The following MAGI2 variants were observed in gnomAD, a reference collection of about 807,000 sequenced individuals.
The protein encoded by MAGI2 is membrane associated guanylate kinase, WW and PDZ domain containing 2, also known as membrane-associated guanylate kinase, WW and PDZ domain-containing protein 2.
MAGI2 carries 35 observed loss-of-function variants against 133.3 expected under a neutral mutation model. The observed-to-expected ratio is 0.26, with a 90% confidence interval of 0.20 to 0.35. MAGI2 has a LOEUF of 0.35. Ranked by LOEUF, MAGI2 falls within the 10% of genes least tolerant of loss-of-function variation. The pLI, the probability that MAGI2 is intolerant of heterozygous loss-of-function variation, is 1.00. For synonymous variants in MAGI2, 729 were observed against 710.6 expected (o/e 1.03, Z -0.41); for missense variants, 1,636 against 1,863.4 (o/e 0.88, Z 2.25).
At chr7:78,838,484 A>G (rs1276454674) in intron 2 of MAGI2, among the ~76,000 whole-genome samples, 3 of 147,318 alleles carry the variant, frequency 2.0e-5, no homozygotes, top group African/African-American at 7.5e-5. Context: ...CTAAAAATTA[A>G]TTAAATAAAA....
At chr7:79,193,711 C>T (rs906301478) in intron 1 of MAGI2, among the ~76,000 whole-genome samples, 1 of 151,752 alleles carries the variant, frequency 6.6e-6, no homozygotes, top group Non-Finnish European at 1.5e-5. Flanking sequence ...AATTCATTAC[C>T]TTTAATAGTA....
intron 10 of MAGI2, among the ~76,000 whole-genome samples, chr7:78,242,529 A>G (rs1187273368): frequency 6.6e-6 from 1 of 152,200 alleles, no homozygotes; most frequent in Non-Finnish European, 1.5e-5. Flanking sequence ...GCTCTGTCAT[A>G]TATGCTTTTT....
intron 6 of MAGI2, among the ~76,000 whole-genome samples, chr7:78,380,370 AAAG>A (rs774565795): frequency 1.3e-5 from 2 of 152,146 alleles, no homozygotes; most frequent in African/African-American, 2.4e-5. Context: ...ATGAATGAGT[AAAG>A]AAGATGTGCT....
intron 1 of MAGI2, among the ~76,000 whole-genome samples, chr7:79,118,090 G>C (rs1819562896): frequency 6.6e-6 from 1 of 152,160 alleles, no homozygotes; most frequent in African/African-American, 2.4e-5. Flanking sequence ...AAATAAAGTA[G>C]GACATAGCCA....
At chr7:79,208,564 C>T in intron 1 of MAGI2, among the ~76,000 whole-genome samples, 1 of 151,844 alleles carries the variant, frequency 6.6e-6, no homozygotes, top group Non-Finnish European at 1.5e-5. Flanking sequence ...AAAGAGAATC[C>T]TTGTACACTG....
intron 12 of MAGI2, among the ~76,000 whole-genome samples, chr7:78,187,245 T>G (rs1165414941): frequency 6.6e-6 from 1 of 152,164 alleles, no homozygotes; most frequent in Non-Finnish European, 1.5e-5. Flanking sequence ...GGCTTCAATA[T>G]GTAAATTAGT....
intron 9 of MAGI2, among the ~76,000 whole-genome samples, chr7:78,311,675 AAATATCTTTGTAAGTGCT>A (rs1378663390): frequency 6.6e-6 from 1 of 152,212 alleles, no homozygotes; most frequent in Non-Finnish European, 1.5e-5. Context: ...AATAGAGATA[AAATATCTTTGTAAGTGCT>A]CACATACTGA....
chr7:79,153,224 G>C (rs1823437155), intron 1 of MAGI2, among the ~76,000 whole-genome samples: 1 of 152,034 alleles, frequency 6.6e-6, no homozygotes, highest in Admixed American at 6.6e-5. Flanking sequence ...TCTAAATTTA[G>C]TCAGCTCTAC....
At chr7:79,328,970 T>C (rs1298540848) in intron 1 of MAGI2, among the ~76,000 whole-genome samples, 1 of 152,198 alleles carries the variant, frequency 6.6e-6, no homozygotes, top group African/African-American at 2.4e-5. Context: ...GAAATACAAA[T>C]GTGGGGGCCC....
intron 9 of MAGI2, among the ~76,000 whole-genome samples, chr7:78,320,214 C>T (rs1419480742): frequency 6.6e-6 from 1 of 152,118 alleles, no homozygotes; most frequent in Non-Finnish European, 1.5e-5. Flanking sequence ...TGGTACCATT[C>T]CTTCTGAAAC....
At chr7:78,373,681 G>A (rs1414609304) in intron 6 of MAGI2, among the ~76,000 whole-genome samples, 1 of 152,076 alleles carries the variant, frequency 6.6e-6, no homozygotes, top group African/African-American at 2.4e-5. Context: ...TTTGGGGTAT[G>A]AATGATCCCA....
At chr7:78,900,899 A>G (rs1332213346) in intron 2 of MAGI2, among the ~76,000 whole-genome samples, 1 of 152,160 alleles carries the variant, frequency 6.6e-6, no homozygotes, top group Non-Finnish European at 1.5e-5. Context: ...TGAGTTGCCT[A>G]CAAGTCCTGT....
At position 78,194,868 on chromosome 7, in the gene MAGI2, A is replaced by T; in HGVS notation, c.2269+6T>A. ...TGTACCCTTGTTTCATGTGGCTTTC[A>T]CTTACGCCTACTTTCATAAATGGCC... is the stretch of plus-strand genomic sequence containing the variant. On this transcript the variant is annotated splice_donor_region_variant and intron_variant, in intron 12 of 21. Transcript: ENST00000354212. 1 of 1,593,032 alleles carries T rather than the reference A, an allele frequency of 6.3e-7. No homozygotes were observed. Among genetic ancestry groups the T allele is most frequent in the Non-Finnish European group, 8.5e-7 (1 of 1,171,274 alleles).
At chr7:79,230,018 C>T (rs1382223016) in intron 1 of MAGI2, among the ~76,000 whole-genome samples, 1 of 143,336 alleles carries the variant, frequency 7.0e-6, no homozygotes, top group East Asian at 2.1e-4. Flanking sequence ...GTTCAATTCC[C>T]ACCTATGAGT....
intron 9 of MAGI2, among the ~76,000 whole-genome samples, chr7:78,313,598 A>C (rs1243009521): frequency 6.6e-6 from 1 of 151,358 alleles, no homozygotes; most frequent in Non-Finnish European, 1.5e-5. Context: ...ATTTTTTTTG[A>C]TATATAGAAA....
At chr7:78,615,800 G>A (rs1273007580) in intron 3 of MAGI2, 2 of 152,096 alleles carry the variant, frequency 1.3e-5, no homozygotes, top group African/African-American at 4.8e-5. Flanking sequence ...CACACATTGT[G>A]TTAATTTGGG....
At chr7:78,315,124 G>C (rs1787274609) in intron 9 of MAGI2, among the ~76,000 whole-genome samples, 1 of 152,150 alleles carries the variant, frequency 6.6e-6, no homozygotes, top group Non-Finnish European at 1.5e-5. Flanking sequence ...TAAGGAAGAA[G>C]TCACTTTTCC....
chr7:78,334,312 C>A (rs1394558286), intron 9 of MAGI2, among the ~76,000 whole-genome samples: 3 of 152,092 alleles, frequency 2.0e-5, no homozygotes, highest in Non-Finnish European at 4.4e-5. Context: ...TCACCATGCA[C>A]ATGGACCTCA....
intron 21 of MAGI2, among the ~76,000 whole-genome samples, chr7:78,059,716 A>C (rs1011770174): frequency 6.6e-6 from 1 of 151,790 alleles, no homozygotes; most frequent in Admixed American, 6.6e-5. Flanking sequence ...AAGAATTTTC[A>C]GCTCTTTAGT....
Sources: gnomAD v4.1 joint callset for allele counts (sites outside exome capture counted in the v4.1 genomes callset) on GRCh38, gnomAD v4.1.1 for gene constraint, MANE v1.5 for transcripts, NCBI Gene and HGNC (gene_info 2026-07-23, HGNC 2026-07-21) for gene names.